SPACA1: variants seen among roughly 807,000 people sequenced by gnomAD.
The protein encoded by SPACA1 is sperm acrosome membrane-associated protein 1.
Under a neutral mutation model 32.6 loss-of-function variants are expected in SPACA1, and 17 were observed. The ratio of observed to expected loss-of-function variants is 0.52; its 90% CI spans 0.36 to 0.78. The LOEUF (loss-of-function observed/expected upper bound fraction) is 0.78. Among genes scored for constraint, SPACA1 ranks in the 30% least tolerant of loss-of-function variants. The pLI, the probability that SPACA1 is intolerant of heterozygous loss-of-function variation, is 0.01. For missense variants in SPACA1, 363 were observed against 373.4 expected (o/e 0.97, Z 0.23); for synonymous variants, 140 against 138.1 (o/e 1.01, Z -0.10).
At chr6:88,060,776 G>T (rs1775881521) in intron 5 of SPACA1, among the ~76,000 whole-genome samples, 1 of 152,206 alleles carries the variant, frequency 6.6e-6, no homozygotes, top group Non-Finnish European at 1.5e-5. Flanking sequence ...GCCATTCTCA[G>T]TCTTTGTCCT....
In SPACA1 at chr6:88,059,530, C is replaced by A. The variant is rs1168841583; in HGVS notation, c.552C>A (p.Asp184Glu). The A allele has an allele frequency of 6.2e-7, 1 of 1,613,528 alleles. No individual in the cohort carries two copies. The highest frequency in any genetic ancestry group is 8.5e-7 in the Non-Finnish European group (1 of 1,179,720). ...GTCACCCCTTGGCTTTCGAGTGTGA[C>A]ACACTGGATAATAATGAAATAGTAG... Reference protein sequence around the residue: ...KESHPLAFECDTLDNNEIVAT... With the variant: ...KESHPLAFECETLDNNEIVAT... Residue 184 changes from aspartate to glutamate, a missense_variant, in exon 5 of 7, where the codon GAC becomes GAA. Coordinates refer to ENST00000237201, the MANE Select transcript of SPACA1 (RefSeq NM_030960.3).
rs752779127 is a variant in SPACA1, at chr6:88,059,571, C to T, written c.593C>T (p.Thr198Ile). 54 of 1,612,758 alleles carry T rather than the reference C, an allele frequency of 3.3e-5. No homozygotes were observed. Among genetic ancestry groups the T allele is most frequent in the Non-Finnish European group, 4.2e-5 (50 of 1,179,470 alleles). ...GAAATAGTAGCAACTATTAAATTCA[C>T]AGTCTATACGAGCAGTGGTAAGTGT... The part of the protein sequence containing the change: ...NNEIVATIKF[T>I]VYTSSELQMR... Residue 198 changes from threonine to isoleucine, a missense_variant, in exon 5 of 7, where the codon ACA (threonine) becomes ATA (isoleucine). Coordinates refer to ENST00000237201, the MANE Select transcript of SPACA1 (RefSeq NM_030960.3).
At position 88,059,530 on chromosome 6, in the gene SPACA1, C is replaced by T; in HGVS notation, c.552C>T (p.Asp184=). 1.2e-6 allele frequency: 2 copies of T among 1,613,528 alleles called. No homozygotes were observed. Among genetic ancestry groups the T allele is most frequent in the Non-Finnish European group, 1.7e-6 (2 of 1,179,720 alleles). The part of the protein sequence containing the change: ...KESHPLAFEC[D]TLDNNEIVAT... ...GTCACCCCTTGGCTTTCGAGTGTGA[C>T]ACACTGGATAATAATGAAATAGTAG... is the stretch of plus-strand genomic sequence containing the variant. Residue 184 remains aspartate, a synonymous_variant, in exon 5 of 7, where the codon GAC becomes GAT. Transcript: ENST00000237201.
Position 88,059,449 on chromosome 6 carries a change from A to T in SPACA1, c.475-4A>T, listed in dbSNP as rs1174962762. On this transcript the variant is annotated splice_polypyrimidine_tract_variant and splice_region_variant and intron_variant, in intron 4 of 6. Transcript: ENST00000237201. ...TACTTTGTTATTTTTTTCTTTTTAAATAGCAATCCATTATACTTGTAAATG... is the reference window on the plus strand; with the variant it reads ...TACTTTGTTATTTTTTTCTTTTTAATTAGCAATCCATTATACTTGTAAATG... 4 of 1,588,680 alleles carry T rather than the reference A, an allele frequency of 2.5e-6. No individual in the cohort carries two copies. Among genetic ancestry groups the T allele is most frequent in the Admixed American group, 3.7e-5 (2 of 53,984 alleles).
rs777804035 is a variant in SPACA1, at chr6:88,057,594, T to C, written c.266-18T>C. 6.3e-7 allele frequency: 1 copy of C among 1,593,900 alleles called. No homozygotes were observed. Among genetic ancestry groups the C allele is most frequent in the Non-Finnish European group, 8.6e-7 (1 of 1,161,878 alleles). ...AGTTTTTTTCTTAACATTTGCCTTT[T>C]TAAATTTTAAACCAAAGGTATTGGT... is the stretch of plus-strand genomic sequence containing the variant. On this transcript the variant is annotated intron_variant, in intron 2 of 6. Transcript: ENST00000237201.
At chr6:88,061,131 T>C (rs1775891021) in intron 5 of SPACA1, among the ~76,000 whole-genome samples, 2 of 152,246 alleles carry the variant, frequency 1.3e-5, no homozygotes, top group African/African-American at 4.8e-5. Context: ...CTACACAATA[T>C]GGTACTAGCA....
In SPACA1 at chr6:88,047,983, C is replaced by G; in HGVS notation, c.78C>G (p.Ser26=). ...VGWLLLAGLQ[S]ARGTNVTAAV... ...GGCTGCTTCTGGCGGGCCTCCAGTCCGCGCGCGGGACCAACGTCACCGCTG... is the reference window on the plus strand; with the variant it reads ...GGCTGCTTCTGGCGGGCCTCCAGTCGGCGCGCGGGACCAACGTCACCGCTG... Residue 26 remains serine (S), a synonymous_variant, in exon 1 of 7, where the codon TCC becomes TCG. Transcript: ENST00000237201. 3 of 1,568,850 alleles carry G rather than the reference C, an allele frequency of 1.9e-6. No homozygotes were observed. The South Asian group carries it at 3.5e-5, about 18-fold the overall frequency.
chr6:88,053,784 A>G (rs975178221), intron 1 of SPACA1, among the ~76,000 whole-genome samples, 162 bp from the exon 2 acceptor site: 4 of 152,226 alleles, frequency 2.6e-5, no homozygotes, highest in Admixed American at 6.5e-5. Flanking sequence ...GAGTTAGACA[A>G]TAACAGTACT....
chr6:88,056,789 T>C (rs141101483), intron 2 of SPACA1, among the ~76,000 whole-genome samples: 385 of 152,296 alleles, frequency 2.5e-3, no homozygotes, highest in African/African-American at 5.2e-3. Flanking sequence ...GCTAATCCCA[T>C]GTTTTGTTAT....
chr6:88,048,139 G>A, intron 1 of SPACA1, 26 bp downstream of exon 1: 1 of 1,557,000 alleles, frequency 6.4e-7, no homozygotes, highest in Non-Finnish European at 8.7e-7. Flanking sequence ...CCCTTGCGGG[G>A]CACGCGGAGG....
intron 5 of SPACA1, 82 bp from the exon 6 acceptor site, chr6:88,064,017 T>C (rs2127802252): frequency 2.0e-6 from 3 of 1,484,204 alleles, no homozygotes; most frequent in East Asian, 4.7e-5. Flanking sequence ...TAGAGTTGTT[T>C]TTCAAATATA....
At chr6:88,065,207 A>G (rs534693053) in intron 6 of SPACA1, among the ~76,000 whole-genome samples, 1 of 148,880 alleles carries the variant, frequency 6.7e-6, no homozygotes, top group African/African-American at 2.4e-5. Flanking sequence ...ATACATATAC[A>G]TATATGTATG....
At chr6:88,049,748 T>C (rs1775701154) in intron 1 of SPACA1, among the ~76,000 whole-genome samples, 2 of 152,210 alleles carry the variant, frequency 1.3e-5, no homozygotes, top group African/African-American at 4.8e-5. Context: ...TATCCTAGTT[T>C]TGAAGGTGTA....
At chr6:88,048,210 G>A (rs1033998158) in intron 1 of SPACA1, 97 bp downstream of exon 1, 9 of 1,254,914 alleles carry the variant, frequency 7.2e-6, no homozygotes, top group African/African-American at 1.5e-5. Flanking sequence ...GTGTGTTAAC[G>A]TCAGGAGAGC....
chr6:88,056,309 G>C (rs767129475), intron 2 of SPACA1, among the ~76,000 whole-genome samples: 2 of 152,132 alleles, frequency 1.3e-5, no homozygotes, highest in Non-Finnish European at 2.9e-5. Context: ...AGCTGAGATC[G>C]CGCCACTGCA....
rs371379319 is a variant in SPACA1 at position 88,058,837 on chromosome 6, G to T, written c.474+15G>T. The T allele has an allele frequency of 3.3e-5, 51 of 1,529,396 alleles. No individual in the cohort carries two copies. The highest frequency in any genetic ancestry group is 4.6e-5 in the Non-Finnish European group (51 of 1,109,636). The allele number at this position is 1,529,396 out of a possible 1,614,324, so 94.7% of individuals were successfully genotyped here. A position where few individuals can be genotyped will look rare whatever the true frequency, so the allele number is the denominator to read the frequency against. ...GACAAGACCAAGTGAGTAATGAATG[G>T]ATATAACCTGGTGCTTTCTAGTGAG... On this transcript the variant is annotated intron_variant, in intron 4 of 6. Coordinates refer to ENST00000237201, the MANE Select transcript of SPACA1 (RefSeq NM_030960.3).
Position 88,058,838 on chromosome 6 carries a change from A to G in SPACA1, c.474+16A>G. The G allele has an allele frequency of 6.5e-7, 1 of 1,530,730 alleles. No homozygotes were observed. Among genetic ancestry groups the G allele is most frequent in the Non-Finnish European group, 9.0e-7 (1 of 1,110,502 alleles). 94.8% of individuals were successfully genotyped at this position (1,530,730 alleles called of 1,614,324 possible). ...ACAAGACCAAGTGAGTAATGAATGGATATAACCTGGTGCTTTCTAGTGAGT... is the reference window on the plus strand; with the variant it reads ...ACAAGACCAAGTGAGTAATGAATGGGTATAACCTGGTGCTTTCTAGTGAGT... On this transcript the variant is annotated intron_variant, in intron 4 of 6. Transcript: ENST00000237201.
chr6:88,047,989 C>A lies in SPACA1; in HGVS notation c.84C>A (p.Arg28=). 6.4e-7 allele frequency: 1 copy of A among 1,573,918 alleles called. No individual in the cohort carries two copies. Among genetic ancestry groups the A allele is most frequent in the East Asian group, 2.3e-5 (1 of 43,134 alleles). The change falls in exon 1 of 7, where the codon CGC becomes CGA. Residue 28 remains arginine, a synonymous_variant. Coordinates refer to ENST00000237201, the MANE Select transcript of SPACA1 (RefSeq NM_030960.3). ...WLLLAGLQSA[R]GTNVTAAVQD... ...TTCTGGCGGGCCTCCAGTCCGCGCG[C>A]GGGACCAACGTCACCGCTGCCGTCC...
intron 1 of SPACA1, among the ~76,000 whole-genome samples, chr6:88,053,573 G>T (rs1264236691): frequency 6.6e-6 from 1 of 152,110 alleles, no homozygotes; most frequent in Non-Finnish European, 1.5e-5. Context: ...ACTCAATTTT[G>T]GAAAATAGAG....
Sources: allele counts gnomAD v4.1 joint callset (sites outside exome capture counted in the v4.1 genomes callset), GRCh38; gene constraint gnomAD v4.1.1; transcripts MANE v1.5; gene names NCBI Gene and HGNC (gene_info 2026-07-23, HGNC 2026-07-21).